ZNF100: variants seen among roughly 807,000 people sequenced by gnomAD.
ZNF100 encodes the protein zinc finger protein 100 (Y1).
In ZNF100, 12 loss-of-function variants were observed where a neutral mutation model predicts 15.8. The ratio of observed to expected loss-of-function variants is 0.76; its 90% CI spans 0.49 to 1.23. The LOEUF is 1.23. Among genes scored for constraint, ZNF100 ranks in the 50% most tolerant of loss-of-function variants. The pLI, the probability that ZNF100 is intolerant of heterozygous loss-of-function variation, is 0.00. For synonymous variants in ZNF100, 226 were observed against 214.8 expected (o/e 1.05, Z -0.45); for missense variants, 670 against 635.6 (o/e 1.05, Z -0.58).
chr19:21,742,439 A>T (rs2036131736), intron 4 of ZNF100, among the ~76,000 whole-genome samples: 1 of 136,934 alleles, frequency 7.3e-6, no homozygotes, highest in Non-Finnish European at 1.5e-5. Flanking sequence ...GGTTGCAGTG[A>T]GCTGAGATCG....
intron 4 of ZNF100, among the ~76,000 whole-genome samples, chr19:21,741,021 T>C (rs1568298843): frequency 6.6e-6 from 1 of 152,212 alleles, no homozygotes; most frequent in African/African-American, 2.4e-5. Flanking sequence ...CCCGGGTGTC[T>C]CTTGATTTAT....
intron 2 of ZNF100, among the ~76,000 whole-genome samples, chr19:21,760,560 G>T (rs1170941181): frequency 1.3e-5 from 2 of 151,788 alleles, no homozygotes; most frequent in African/African-American, 4.8e-5. Flanking sequence ...ATGCCACAGA[G>T]CTAACCAAAT....
chr19:21,766,629 C>G (rs2036567398), intron 1 of ZNF100, among the ~76,000 whole-genome samples: 1 of 152,154 alleles, frequency 6.6e-6, no homozygotes, highest in African/African-American at 2.4e-5. Context: ...GACTTTCCTT[C>G]AAGCCTCTCC....
chr19:21,764,324 T>C (rs1195933950), intron 2 of ZNF100, among the ~76,000 whole-genome samples: 1 of 152,148 alleles, frequency 6.6e-6, no homozygotes, highest in African/African-American at 2.4e-5. Flanking sequence ...TTTAAGGTGC[T>C]TACATTTTAT....
At chr19:21,729,427 C>T (rs938880622) in intron 4 of ZNF100, among the ~76,000 whole-genome samples, 6 of 81,018 alleles carry the variant, frequency 7.4e-5, no homozygotes, top group East Asian at 4.9e-4. Flanking sequence ...ACATTACTTT[C>T]GGGAGGGGGG....
intron 2 of ZNF100, chr19:21,750,876 C>A: frequency 1.8e-6 from 1 of 547,852 alleles, no homozygotes; most frequent in Non-Finnish European, 3.2e-6. Flanking sequence ...ATTGCGTGTC[C>A]CCCCAGTACC....
At position 21,727,317 on chromosome 19, in the gene ZNF100, A is replaced by C. The variant is rs747759961; in HGVS notation, c.995T>G (p.Leu332Arg). ...AGTATGAATTATCCTGTGTGTAGTAAGGTGTGAGGACCGGTTAAAAGCTTT... is the reference window on the plus strand; with the variant it reads ...AGTATGAATTATCCTGTGTGTAGTACGGTGTGAGGACCGGTTAAAAGCTTT... The part of the protein sequence containing the change: ...CGKAFNRSSH[L>R]TTHRIIHTGE... Residue 332 changes from leucine to arginine, a missense_variant, in exon 5 of 5, where the codon CTT becomes CGT. Transcript: ENST00000358296. 8 of 1,612,822 alleles carry C rather than the reference A, an allele frequency of 5.0e-6. No homozygotes were observed. In the Admixed American group the frequency reaches 8.3e-5, roughly 17 times the overall value.
Position 21,724,227 on chromosome 19 carries a change from T to C in ZNF100, c.*2456A>G, listed in dbSNP as rs370279018. The stretch of plus-strand genomic sequence containing the variant: ...TTTCTTTTAGCATTTTTGAGGCTTT[T>C]AGTTTTCTAGTAGTCATCTTGTTAA... On this transcript the variant is annotated 3_prime_UTR_variant, in exon 5 of 5. Transcript: ENST00000358296. The C allele has an allele frequency of 9.8e-5, 15 of 152,308 alleles. No individual in the cohort carries two copies. In the East Asian group the frequency reaches 2.3e-3, roughly 24 times the overall value. The allele number at this position is 152,308 out of a possible 1,614,324, so 9.4% of individuals were successfully genotyped here.
intron 2 of ZNF100, among the ~76,000 whole-genome samples, chr19:21,745,990 A>G (rs550974327): frequency 6.6e-6 from 1 of 152,366 alleles, no homozygotes; most frequent in East Asian, 1.9e-4. Flanking sequence ...CAAAGAAAAC[A>G]TAAGAAAAAA....
chr19:21,726,643 A>C lies in ZNF100; in HGVS notation c.*40T>G, dbSNP rs1429164060. The C allele has an allele frequency of 1.3e-6, 2 of 1,545,536 alleles. No individual in the cohort carries two copies. The highest frequency in any genetic ancestry group is 4.5e-5 in the East Asian group (2 of 44,568). ...CTCCAGTATGAATTTTTTTATGTTT[A>C]GTAAGAGTTGAGGACTGGTAAAAGG... On this transcript the variant is annotated 3_prime_UTR_variant, in exon 5 of 5. Coordinates refer to ENST00000358296, the MANE Select transcript of ZNF100 (RefSeq NM_173531.4).
Position 21,726,669 on chromosome 19 carries a change from C to A in ZNF100, c.*14G>T. The A allele has an allele frequency of 6.3e-7, 1 of 1,598,894 alleles. No homozygotes were observed. The highest frequency in any genetic ancestry group is 1.1e-5 in the South Asian group (1 of 88,210). ...GTAAGAGTTGAGGACTGGTAAAAGG[C>A]TTTGCCACATTTTTCACATTTGTAG... On this transcript the variant is annotated 3_prime_UTR_variant, in exon 5 of 5. Transcript: ENST00000358296.
At chr19:21,735,845 G>A (rs1473098856) in intron 4 of ZNF100, among the ~76,000 whole-genome samples, 5 of 152,280 alleles carry the variant, frequency 3.3e-5, no homozygotes, top group African/African-American at 1.2e-4. Context: ...CTGGAGTACA[G>A]TGGCATGATC....
Position 21,762,366 on chromosome 19 carries a change from C to T in ZNF100, c.96+3328G>A, listed in dbSNP as rs541870445. ...CAACAAATGCCCAGTTCATGAAAAG[C>T]TTTCTTAAGTTTCCTTGGAAGAATT... On this transcript the variant is annotated intron_variant, in intron 2 of 4. Transcript: ENST00000358296. 7.9e-5 allele frequency among the ~76,000 whole-genome samples: 12 copies of T among 152,286 alleles called. No individual in the cohort carries two copies. In the South Asian group the frequency reaches 2.5e-3, roughly 32 times the overall value.
At position 21,723,605 on chromosome 19, in the gene ZNF100, G is replaced by T. The variant is rs1039525100; in HGVS notation, c.*3078C>A. On this transcript the variant is annotated 3_prime_UTR_variant, in exon 5 of 5. Transcript: ENST00000358296. The stretch of plus-strand genomic sequence containing the variant: ...TCAGCAAGATTCAGCATTGCAGCCT[G>T]GAAACTATGTCCTCTCCACATGAAG... 7 of 152,200 alleles carry T rather than the reference G, an allele frequency of 4.6e-5. No homozygotes were observed. Among genetic ancestry groups the T allele is most frequent in the African/African-American group, 1.7e-4 (7 of 41,512 alleles). 9.4% of individuals were successfully genotyped at this position (152,200 alleles called of 1,614,324 possible).
rs773806021 is a variant in ZNF100, at chr19:21,727,839, T to G, written c.473A>C (p.His158Pro). ...GCKSVDECKV[H>P]KEHDNKLNQC... ...GTTTAATTTGTTATCATGTTCTTTG[T>G]GCACTTTACACTCATCCACACTTTT... Residue 158 changes from histidine to proline, a missense_variant, in exon 5 of 5, where the codon CAC becomes CCC. Physicochemically the swap from His to Pro is moderately conservative, Grantham distance 77. Coordinates refer to ENST00000358296, the MANE Select transcript of ZNF100 (RefSeq NM_173531.4). 1.8e-5 allele frequency: 29 copies of G among 1,613,378 alleles called. No homozygotes were observed. The highest frequency in any genetic ancestry group is 2.5e-5 in the Non-Finnish European group (29 of 1,179,716).
intron 4 of ZNF100, among the ~76,000 whole-genome samples, chr19:21,734,734 A>G (rs1223678432): frequency 2.6e-5 from 4 of 152,136 alleles, no homozygotes; most frequent in African/African-American, 9.7e-5. Context: ...CCATGAGAAG[A>G]TCAACCTCAA....
intron 2 of ZNF100, among the ~76,000 whole-genome samples, chr19:21,760,172 ACTC>A (rs2036457776): frequency 1.0e-5 from 1 of 96,956 alleles, no homozygotes; most frequent in African/African-American, 3.7e-5. Flanking sequence ...AAATAGTGAG[ACTC>A]CGTCTCAAAA....
chr19:21,753,201 T>C (rs1345018530), intron 2 of ZNF100: 1 of 152,110 alleles, frequency 6.6e-6, no homozygotes, highest in Admixed American at 6.6e-5. Flanking sequence ...ATCGTGATGG[T>C]GCCTATAGAA....
intron 4 of ZNF100, among the ~76,000 whole-genome samples, chr19:21,742,500 A>T (rs1293109699): frequency 8.1e-6 from 1 of 123,904 alleles, no homozygotes; most frequent in Non-Finnish European, 1.7e-5. Flanking sequence ...GTCTCAAAAA[A>T]CAAAAAACAA....
Sources: allele counts gnomAD v4.1 joint callset (sites outside exome capture counted in the v4.1 genomes callset), GRCh38; gene constraint gnomAD v4.1.1; transcripts MANE v1.5; gene names NCBI Gene and HGNC (gene_info 2026-07-23, HGNC 2026-07-21).